PTPRB: variants seen among roughly 807,000 people sequenced by gnomAD.
PTPRB encodes protein tyrosine phosphatase receptor type B.
A neutral mutation model predicts 238.1 loss-of-function variants in PTPRB; 97 were observed. The observed-to-expected ratio is 0.41, with a 90% CI of 0.35 to 0.48. PTPRB has a LOEUF of 0.48. Ranked by LOEUF, PTPRB falls within the 20% of genes least tolerant of loss-of-function variation. PTPRB has a pLI of 0.30. For missense variants in PTPRB, 2,292 were observed against 2,681.9 expected (o/e 0.85, Z 3.21); for synonymous variants, 970 against 995.4 (o/e 0.97, Z 0.48).
chr12:70,560,864 A>C lies in PTPRB; in HGVS notation c.4239T>G (p.Ser1413Arg). The C allele has an allele frequency of 6.2e-7, 1 of 1,613,770 alleles. No individual in the cohort carries two copies. Reference protein sequence around the residue: ...NTTDSLWFNWSPASGDFDFYE... With the variant: ...NTTDSLWFNWRPASGDFDFYE... The stretch of plus-strand genomic sequence containing the variant: ...AAAAGTCAAAGTCCCCAGAGGCTGG[A>C]CTCCAGTTGAACCAAAGGCTGTCTG... Residue 1413 changes from serine (S) to arginine (R), a missense_variant, in exon 17 of 34, where the codon AGT becomes AGG. By Grantham distance (110) the Ser-to-Arg change is moderately radical (BLOSUM62 -1). Around this residue, in one of 4 missense-constraint regions of PTPRB, gnomAD observed 683 missense variants for 862.0 expected, o/e 0.79. Transcript: ENST00000334414. This position sits in a 1 kb window ranked among gnomAD's most constrained non-coding sequence, Gnocchi z 4.2.
At chr12:70,600,344 G>A (rs943984384) in intron 4 of PTPRB, among the ~76,000 whole-genome samples, 1 of 152,118 alleles carries the variant, frequency 6.6e-6, no homozygotes, top group Non-Finnish European at 1.5e-5. Flanking sequence ...TAGTAAAGTT[G>A]AGCTTCCAAT....
chr12:70,622,640 A>G lies in PTPRB; in HGVS notation c.458T>C (p.Leu153Pro). The change falls in exon 3 of 34, where the codon CTG becomes CCG. Residue 153 changes from leucine to proline, a missense_variant. Leu to Pro is a moderately conservative substitution (Grantham distance 98). Coordinates refer to ENST00000334414, the MANE Select transcript of PTPRB (RefSeq NM_001109754.4). Reference sequence around the variant, plus strand: ...GCTCCTCACCGAAACTTCTGCTCCCAGGCCAGCTGAGGTAAAGAAAAGATA... The same window carrying G: ...GCTCCTCACCGAAACTTCTGCTCCCGGGCCAGCTGAGGTAAAGAAAAGATA... Reference protein sequence around the residue: ...NESLCLQKAGLGAEVSVRSTR... With the variant: ...NESLCLQKAGPGAEVSVRSTR... The G allele has an allele frequency of 6.4e-7, 1 of 1,560,052 alleles. No homozygotes were observed. Among genetic ancestry groups the G allele is most frequent in the Non-Finnish European group, 8.7e-7 (1 of 1,147,446 alleles).
intron 4 of PTPRB, among the ~76,000 whole-genome samples, chr12:70,607,575 T>C (rs1452833342): frequency 7.0e-6 from 1 of 143,644 alleles, no homozygotes; most frequent in Non-Finnish European, 1.5e-5. Context: ...TGAGACAGAG[T>C]CTCCTCTGTT....
chr12:70,582,248 C>T (rs1217623630), intron 9 of PTPRB, among the ~76,000 whole-genome samples: 1 of 152,020 alleles, frequency 6.6e-6, no homozygotes, highest in Non-Finnish European at 1.5e-5. Context: ...TCATTGACTT[C>T]TGGATTAAGA....
At chr12:70,593,021 A>G (rs1882642493) in intron 6 of PTPRB, among the ~76,000 whole-genome samples, 1 of 152,248 alleles carries the variant, frequency 6.6e-6, no homozygotes, top group Non-Finnish European at 1.5e-5. Context: ...TTAATATTCA[A>G]TAATATTGAG....
intron 5 of PTPRB, among the ~76,000 whole-genome samples, chr12:70,595,828 A>G (rs1882961013): frequency 6.6e-6 from 1 of 152,210 alleles, no homozygotes; most frequent in Non-Finnish European, 1.5e-5. Flanking sequence ...CAGAAGTCCC[A>G]TGACTTCTTC....
chr12:70,609,890 C>CA, intron 3 of PTPRB: 1 of 1,402,530 alleles, frequency 7.1e-7, no homozygotes. Context: ...GGCAGGGGGT[C>CA]ACCTGTTGCG....
At chr12:70,584,521 T>C (rs1203208178) in intron 9 of PTPRB, among the ~76,000 whole-genome samples, 2 of 152,064 alleles carry the variant, frequency 1.3e-5, no homozygotes, top group Non-Finnish European at 2.9e-5. Flanking sequence ...AACAGACTCA[T>C]AGAGAAATAA....
intron 2 of PTPRB, among the ~76,000 whole-genome samples, chr12:70,633,835 C>CT (rs1566028911): frequency 2.0e-5 from 3 of 151,758 alleles, no homozygotes; most frequent in Admixed American, 6.6e-5. Flanking sequence ...TCCATATCTA[C>CT]TTTTTTTTAA....
chr12:70,607,271 T>C (rs1884022767), intron 4 of PTPRB, among the ~76,000 whole-genome samples: 1 of 152,220 alleles, frequency 6.6e-6, no homozygotes, highest in Non-Finnish European at 1.5e-5. Flanking sequence ...TTCTGAAAGC[T>C]CAGCCTGCTT....
intron 28 of PTPRB, among the ~76,000 whole-genome samples, chr12:70,537,529 T>C (rs973740196): frequency 1.3e-5 from 2 of 152,122 alleles, no homozygotes; most frequent in Non-Finnish European, 2.9e-5. Flanking sequence ...AGTTAGCACT[T>C]AATTTCTAAG....
chr12:70,556,266 C>G, intron 18 of PTPRB, 118 bp from the exon 19 acceptor site: 1 of 932,108 alleles, frequency 1.1e-6, no homozygotes, highest in Non-Finnish European at 1.6e-6. Context: ...CAGGCAAATA[C>G]AGAGTGTCGT....
rs575961474 is a variant in PTPRB at position 70,594,807 on chromosome 12, T to C, written c.1259-83A>G. On this transcript the variant is annotated intron_variant, in intron 5 of 33. Coordinates refer to ENST00000334414, the MANE Select transcript of PTPRB (RefSeq NM_001109754.4). ...GACACATTTAATTAGAAGTCACATA[T>C]TCATTTGTGTTCCTCTGTACATCTT... The C allele has an allele frequency of 2.7e-6, 4 of 1,480,456 alleles. No individual in the cohort carries two copies. In the African/African-American group the frequency reaches 4.2e-5, roughly 15 times the overall value. The allele number at this position is 1,480,456 out of a possible 1,614,324, so 91.7% of individuals were successfully genotyped here. A position where few individuals can be genotyped will look rare whatever the true frequency, so the allele number is the denominator to read the frequency against.
chr12:70,622,421 G>C lies in PTPRB; in HGVS notation c.677C>G (p.Thr226Ser). The C allele has an allele frequency of 6.2e-7, 1 of 1,612,394 alleles. No individual in the cohort carries two copies. The highest frequency in any genetic ancestry group is 8.5e-7 in the Non-Finnish European group (1 of 1,179,602). ...AGTGGTGCTGGAGAAGGGCTGAGTA[G>C]TCGACAAAACCCATGATGTGTCTGT... ...GITDTSWVLS[T>S]TQPFSSTTEE... The change falls in exon 3 of 34, where the codon ACT (threonine) becomes AGT (serine). Residue 226 changes from threonine to serine, a missense_variant. Physicochemically the swap from Thr to Ser is moderately conservative, Grantham distance 58. This residue lies in a region of PTPRB where 1,205 missense variants were observed against 1,287.8 expected (regional missense o/e 0.94). Coordinates refer to ENST00000334414, the MANE Select transcript of PTPRB (RefSeq NM_001109754.4).
chr12:70,593,513 CAAAAAAAAAAA>C (rs71437149), intron 6 of PTPRB, among the ~76,000 whole-genome samples: 11 of 36,698 alleles, frequency 3.0e-4, no homozygotes, highest in African/African-American at 1.2e-3. Flanking sequence ...AACTCTGTCT[CAAAAAAAAAAA>C]AAAAAAAAAA....
chr12:70,569,696 T>A lies in PTPRB; in HGVS notation c.3613A>T (p.Ile1205Leu). 1 of 1,613,962 alleles carries A rather than the reference T, an allele frequency of 6.2e-7. No homozygotes were observed. The highest frequency in any genetic ancestry group is 8.5e-7 in the Non-Finnish European group (1 of 1,179,886). ...ASVSGSLKNQ[I>L]NVVGRTVPAS... ...TTACCTGTCCGCCCAACCACATTTA[T>A]CTGATTCTTCAGGGACCCGCTGACT... is the stretch of plus-strand genomic sequence containing the variant. Residue 1205 changes from isoleucine (I) to leucine (L), a missense_variant, in exon 14 of 34, where the codon ATA becomes TTA. Ile to Leu is a conservative substitution (Grantham distance 5). Transcript: ENST00000334414.
At chr12:70,636,110 A>T (rs1411943888) in intron 1 of PTPRB, 44 bp from the exon 2 acceptor site, 1 of 1,493,416 alleles carries the variant, frequency 6.7e-7, no homozygotes, top group East Asian at 2.3e-5. Context: ...GCAAATTATG[A>T]GGCCCATTAG....
intron 6 of PTPRB, 48 bp from the exon 7 acceptor site, chr12:70,592,593 A>G: frequency 6.4e-7 from 1 of 1,570,968 alleles, no homozygotes; most frequent in Non-Finnish European, 8.6e-7. Context: ...GATCTCTCAC[A>G]AGTCCTATGG....
chr12:70,570,466 C>G (rs1407446501), intron 13 of PTPRB, among the ~76,000 whole-genome samples: 1 of 152,090 alleles, frequency 6.6e-6, no homozygotes, highest in Non-Finnish European at 1.5e-5. Flanking sequence ...CCCACCTCAG[C>G]CTCCCCAGTA....
Sources: allele counts gnomAD v4.1 joint callset (sites outside exome capture counted in the v4.1 genomes callset), GRCh38; gene constraint gnomAD v4.1.1; regional missense constraint gnomAD v4.1.1; non-coding constraint Gnocchi (gnomAD v3.1); transcripts MANE v1.5; gene names NCBI Gene and HGNC (gene_info 2026-07-23, HGNC 2026-07-21).